Variants in TMPRSS9 observed in about 807,000 individuals in gnomAD.
The protein encoded by TMPRSS9 is transmembrane protease serine 9.
Under a neutral mutation model 111.4 loss-of-function variants are expected in TMPRSS9, and 113 were observed. The ratio of observed to expected loss-of-function variants is 1.01; its 90% CI spans 0.87 to 1.19. TMPRSS9 has a LOEUF of 1.19. TMPRSS9 is among the 50% of genes most tolerant of loss of function. TMPRSS9 has a pLI of 0.00. For missense variants in TMPRSS9, 1,803 were observed against 1,513.1 expected (o/e 1.19, Z -3.18); for synonymous variants, 805 against 659.1 (o/e 1.22, Z -3.39).
At chr19:2,404,618 T>A (rs919282871) in intron 6 of TMPRSS9, among the ~76,000 whole-genome samples, 7 of 151,288 alleles carry the variant, frequency 4.6e-5, no homozygotes, top group Admixed American at 1.3e-4. Flanking sequence ...ATATCTTTCA[T>A]GATCAGTAGT....
intron 1 of TMPRSS9, among the ~76,000 whole-genome samples, chr19:2,377,956 G>A (rs898294780): frequency 2.0e-5 from 3 of 151,030 alleles, no homozygotes; most frequent in South Asian, 2.1e-4. Context: ...CTGCAGCTTC[G>A]ATCTCCTGGG....
intron 1 of TMPRSS9, among the ~76,000 whole-genome samples, chr19:2,363,985 G>A (rs1196241135): frequency 6.6e-6 from 1 of 151,848 alleles, no homozygotes; most frequent in Non-Finnish European, 1.5e-5. Flanking sequence ...ATAAGCCTAT[G>A]AGCCCTACAC....
intron 4 of TMPRSS9, among the ~76,000 whole-genome samples, chr19:2,401,453 T>G (rs985872942): frequency 6.6e-6 from 1 of 152,078 alleles, no homozygotes; most frequent in Non-Finnish European, 1.5e-5. Flanking sequence ...CTGGGGCTGG[T>G]GAGTGCTCCC....
chr19:2,398,333 A>G (rs964406533), intron 2 of TMPRSS9, among the ~76,000 whole-genome samples: 8 of 151,446 alleles, frequency 5.3e-5, no homozygotes, highest in Middle Eastern at 3.4e-3. Flanking sequence ...AAAATAAAAC[A>G]TAAGTCTGGG....
At chr19:2,402,664 G>C (rs1970876242) in intron 5 of TMPRSS9, among the ~76,000 whole-genome samples, 1 of 152,290 alleles carries the variant, frequency 6.6e-6, no homozygotes, top group East Asian at 1.9e-4. Flanking sequence ...CTTCAACCAG[G>C]GAGGCGGAGG....
intron 1 of TMPRSS9, among the ~76,000 whole-genome samples, chr19:2,393,845 C>T (rs1035377921): frequency 3.5e-5 from 5 of 144,470 alleles, no homozygotes; most frequent in Non-Finnish European, 6.0e-5. Context: ...TTGCAGTGAG[C>T]CGAGATCATG....
intron 13 of TMPRSS9, among the ~76,000 whole-genome samples, chr19:2,420,441 C>CAA (rs575760141): frequency 0.16 from 16,466 of 105,888 alleles, 1,285 homozygotes; most frequent in Non-Finnish European, 0.2. Flanking sequence ...GACTCCACCT[C>CAA]AAAAAAAAAA....
intron 1 of TMPRSS9, chr19:2,396,248 G>A (rs1210935521): frequency 2.2e-5 from 7 of 313,456 alleles, no homozygotes; most frequent in Admixed American, 4.8e-5. Context: ...AGGAAAACAC[G>A]GGGGCATCTG....
In TMPRSS9 at chr19:2,408,303, C is replaced by T. The variant is rs1023273881; in HGVS notation, c.843-53C>T. ...CCCAAGGCGAGTGTCCCGTCTGCCT[C>T]CCCCGACGGCTCTGACCCTCGGTGG... On this transcript the variant is annotated intron_variant, in intron 7 of 17. Transcript: ENST00000648592. 2.1e-5 allele frequency: 33 copies of T among 1,581,994 alleles called. No individual in the cohort carries two copies. In the South Asian group the frequency reaches 3.7e-4, roughly 18 times the overall value.
At position 2,403,120 on chromosome 19, in the gene TMPRSS9, CAG is replaced by C. The variant is rs751338308; in HGVS notation, c.596_597del (p.Gln199LeufsTer10). 1 of 1,612,580 alleles carries C rather than the reference CAG, an allele frequency of 6.2e-7. No individual in the cohort carries two copies. The highest frequency in any genetic ancestry group is 8.5e-7 in the Non-Finnish European group (1 of 1,179,724). On this transcript the variant is annotated frameshift_variant, in exon 6 of 18. Transcript: ENST00000648592. LOFTEE classifies it high-confidence loss of function. ...GAACTCCTTTTCCTGCGGGAACAGCCAGTGTGTGACCAAGGTGAACCCGGAGT... is the reference window on the plus strand; with the variant it reads ...GAACTCCTTTTCCTGCGGGAACAGCCTGTGTGACCAAGGTGAACCCGGAGT...
rs202106886 is a variant in TMPRSS9, at chr19:2,426,130, A to G, written c.*42A>G. On this transcript the variant is annotated 3_prime_UTR_variant, in exon 18 of 18. Coordinates refer to ENST00000648592, the Ensembl canonical transcript of TMPRSS9. Reference sequence around the variant, plus strand: ...CAGGCCGAGACTCTACGTGAAAGCAACAGGAGCAGCAGGCCACCCAACACC... The same window carrying G: ...CAGGCCGAGACTCTACGTGAAAGCAGCAGGAGCAGCAGGCCACCCAACACC... 2.0e-4 allele frequency: 304 copies of G among 1,502,634 alleles called. 2 individuals are homozygous for G. The African/African-American group carries it at 5.3e-3, about 26-fold the overall frequency. The allele number at this position is 1,502,634 out of a possible 1,614,324, so 93.1% of individuals were successfully genotyped here.
chr19:2,371,246 C>T (rs1301481903), intron 1 of TMPRSS9, among the ~76,000 whole-genome samples: 2 of 152,168 alleles, frequency 1.3e-5, no homozygotes, highest in South Asian at 4.1e-4. Flanking sequence ...CGTTCACAGT[C>T]GCTCACTCGT....
chr19:2,425,060 G>A (rs1303427855), exon 16 of TMPRSS9: 2 of 1,569,568 alleles, frequency 1.3e-6, no homozygotes, highest in Non-Finnish European at 8.6e-7. Context: ...GAGCGGCGCG[G>A]AGGGGCAGCT....
At chr19:2,374,814 G>A (rs981238447) in intron 1 of TMPRSS9, among the ~76,000 whole-genome samples, 1 of 152,270 alleles carries the variant, frequency 6.6e-6, no homozygotes, top group Admixed American at 6.5e-5. Flanking sequence ...CTGATGTTGT[G>A]TTGATTGTAT....
In TMPRSS9 at chr19:2,425,165, C is replaced by T. The variant is rs751623476; in HGVS notation, c.2881C>T (p.Arg961Cys). The change falls in exon 16 of 18, where the codon CGC (arginine) becomes TGC (cysteine). Residue 961 changes from arginine to cysteine, a missense_variant. By Grantham distance (180) the Arg-to-Cys change is radical. Coordinates refer to ENST00000648592, the Ensembl canonical transcript of TMPRSS9. ...GCTGGAGCTGGCGGGGCCGGTGCGT[C>T]GCAGCCGCCTGGTGCGTCCCATCTG... 35 of 1,564,862 alleles carry T rather than the reference C, an allele frequency of 2.2e-5. No homozygotes were observed. The East Asian group carries it at 3.5e-4, about 16-fold the overall frequency.
intron 1 of TMPRSS9, among the ~76,000 whole-genome samples, chr19:2,370,093 C>A (rs1204105785): frequency 6.6e-6 from 1 of 152,052 alleles, no homozygotes; most frequent in Non-Finnish European, 1.5e-5. Flanking sequence ...CAGTGTAATC[C>A]CAGCTACTTG....
At chr19:2,406,108 T>G (rs974873181) in intron 7 of TMPRSS9, among the ~76,000 whole-genome samples, 3 of 148,848 alleles carry the variant, frequency 2.0e-5, no homozygotes, top group Non-Finnish European at 3.0e-5. Context: ...CCTCCCGGGT[T>G]CACGCCATTC....
intron 1 of TMPRSS9, among the ~76,000 whole-genome samples, chr19:2,390,803 A>G (rs896357694): frequency 6.6e-6 from 1 of 151,514 alleles, no homozygotes; most frequent in Non-Finnish European, 1.5e-5. Flanking sequence ...CAGTGAGCTG[A>G]GATCGCACCA....
chr19:2,369,761 A>G (rs1162186543), intron 1 of TMPRSS9, among the ~76,000 whole-genome samples: 2 of 151,720 alleles, frequency 1.3e-5, no homozygotes, highest in Non-Finnish European at 2.9e-5. Context: ...AATTACCACA[A>G]ATGTAGCAAC....
Sources: allele counts gnomAD v4.1 joint callset (sites outside exome capture counted in the v4.1 genomes callset), GRCh38; gene constraint gnomAD v4.1.1; transcripts MANE v1.5; gene names NCBI Gene and HGNC (gene_info 2026-07-23, HGNC 2026-07-21).